The following DYM variants were observed in gnomAD, a reference collection of about 807,000 sequenced individuals.
DYM encodes the protein dyggve-Melchior-Clausen syndrome protein.
In DYM, 78 loss-of-function variants were observed where a neutral mutation model predicts 93.1. The observed-to-expected ratio is 0.84, with a 90% CI of 0.70 to 1.01. The LOEUF (loss-of-function observed/expected upper bound fraction) is 1.01. Among genes scored for constraint, DYM ranks in the 50% least tolerant of loss-of-function variants. The pLI is 0.00. For synonymous variants in DYM, 321 were observed against 319.7 expected (o/e 1.00, Z -0.04); for missense variants, 789 against 845.0 (o/e 0.93, Z 0.82).
Position 49,287,027 on chromosome 18 carries a change from C to T in DYM, c.764-411G>A, listed in dbSNP as rs541282736. Among the ~76,000 whole-genome samples the T allele has an allele frequency of 2.6e-5, 4 of 152,154 alleles. No individual in the cohort carries two copies. In the East Asian group the frequency reaches 5.8e-4, roughly 22 times the overall value. ...CCAACATGGTGAAACCCCATCTCTACTAAAAATATAAAAAATAGCCAGGTG... is the reference window on the plus strand; with the variant it reads ...CCAACATGGTGAAACCCCATCTCTATTAAAAATATAAAAAATAGCCAGGTG... On this transcript the variant is annotated intron_variant, in intron 8 of 17. Coordinates refer to ENST00000675505, the MANE Select transcript of DYM (RefSeq NM_001353214.3).
intron 16 of DYM, chr18:49,114,632 A>C (rs1300638469): frequency 1.1e-6 from 1 of 947,832 alleles, no homozygotes; most frequent in Admixed American, 6.2e-5. Flanking sequence ...AAAAAAAATT[A>C]ATATGGTCTT....
At chr18:49,264,101 G>GT (rs66500150) in intron 11 of DYM, among the ~76,000 whole-genome samples, 4,075 of 135,516 alleles carry the variant, frequency 0.03, 75 homozygotes, top group African/African-American at 0.057. Flanking sequence ...GATGGGCGTT[G>GT]TTTTTTTTTT....
intron 6 of DYM, among the ~76,000 whole-genome samples, chr18:49,340,953 C>T (rs78429725): frequency 0.08 from 12,201 of 152,170 alleles, 774 homozygotes; most frequent in East Asian, 0.31. Flanking sequence ...ATCAAGGACA[C>T]AGGAAATGGA....
intron 16 of DYM, among the ~76,000 whole-genome samples, chr18:49,103,648 G>C (rs559292201): frequency 6.6e-6 from 1 of 152,238 alleles, no homozygotes; most frequent in South Asian, 2.1e-4. Flanking sequence ...CAGTTTCCCA[G>C]CACCATTTAT....
At chr18:49,067,251 T>TGGGCAC in intron 17 of DYM, among the ~76,000 whole-genome samples, 1 of 53,488 alleles carries the variant, frequency 1.9e-5, no homozygotes, top group Admixed American at 2.8e-4. Flanking sequence ...GGGTGACATG[T>TGGGCAC]TATGGAGGTT....
chr18:49,417,903 A>C (rs2073170691), intron 2 of DYM: 1 of 152,108 alleles, frequency 6.6e-6, no homozygotes, highest in Non-Finnish European at 1.5e-5. Flanking sequence ...TCTACCAAAA[A>C]TACAAAATTA....
intron 5 of DYM, among the ~76,000 whole-genome samples, chr18:49,375,250 T>G (rs1455034203): frequency 6.8e-6 from 1 of 147,674 alleles, no homozygotes; most frequent in Non-Finnish European, 1.5e-5. Flanking sequence ...ACCTTGGGCT[T>G]TAGAAGAAAA....
chr18:49,120,375 T>C (rs2082278599), intron 15 of DYM, among the ~76,000 whole-genome samples: 1 of 151,982 alleles, frequency 6.6e-6, no homozygotes, highest in African/African-American at 2.4e-5. Flanking sequence ...AGTAAAAGGA[T>C]GGAAAAAGAT....
At chr18:49,399,463 G>C (rs1311629053) in intron 2 of DYM, among the ~76,000 whole-genome samples, 1 of 151,864 alleles carries the variant, frequency 6.6e-6, no homozygotes, top group East Asian at 1.9e-4. Context: ...TTTTGTTTTG[G>C]GTATAAACAA....
intron 14 of DYM, among the ~76,000 whole-genome samples, chr18:49,200,170 A>T (rs1432454578): frequency 6.6e-6 from 1 of 152,090 alleles, no homozygotes; most frequent in East Asian, 1.9e-4. Context: ...AAATCCAAAG[A>T]CATACATGTA....
At chr18:49,092,069 T>C (rs2079095933) in intron 17 of DYM, among the ~76,000 whole-genome samples, 1 of 152,224 alleles carries the variant, frequency 6.6e-6, no homozygotes, top group African/African-American at 2.4e-5. Context: ...TTTATCAAAC[T>C]TTCATTTCAG....
At chr18:49,285,074 T>C (rs1397818474) in intron 9 of DYM, among the ~76,000 whole-genome samples, 2 of 152,186 alleles carry the variant, frequency 1.3e-5, no homozygotes, top group African/African-American at 4.8e-5. Flanking sequence ...AAGCAGAGAC[T>C]GAGCCCTCAC....
At chr18:49,151,276 A>C (rs1403572512) in intron 15 of DYM, among the ~76,000 whole-genome samples, 1 of 152,216 alleles carries the variant, frequency 6.6e-6, no homozygotes, top group Non-Finnish European at 1.5e-5. Context: ...ACTCCTGTTA[A>C]GGATTCTTCT....
intron 2 of DYM, 149 bp from the exon 3 acceptor site, chr18:49,391,794 AAG>A (rs2069288795): frequency 3.0e-4 from 177 of 583,844 alleles, no homozygotes; most frequent in East Asian, 1.5e-3. Context: ...GCAAAAAAAA[AAG>A]TTAGGCTTCA....
At chr18:49,329,728 T>C (rs1440621610) in intron 8 of DYM, 1 of 152,244 alleles carries the variant, frequency 6.6e-6, no homozygotes, top group Non-Finnish European at 1.5e-5. Context: ...GGAAATAATG[T>C]AAGCAACACA....
chr18:49,085,049 T>A (rs1006990315), intron 17 of DYM, among the ~76,000 whole-genome samples: 1 of 152,228 alleles, frequency 6.6e-6, no homozygotes, highest in Non-Finnish European at 1.5e-5. Flanking sequence ...TTTATTTGTA[T>A]ATATGATCTC....
chr18:49,251,627 C>T (rs2144977647), intron 13 of DYM, among the ~76,000 whole-genome samples: 1 of 152,246 alleles, frequency 6.6e-6, no homozygotes, highest in Admixed American at 6.5e-5. Context: ...ATGTGCGAGG[C>T]CGTTACAAAT....
In DYM at chr18:49,323,157, G is replaced by A. The variant is rs575147920; in HGVS notation, c.763+8707C>T. 6.6e-5 allele frequency among the ~76,000 whole-genome samples: 10 copies of A among 152,230 alleles called. No homozygotes were observed. The East Asian group carries it at 7.7e-4, about 12-fold the overall frequency. ...TCTGAGGGGCTCCTTACACATTTTG[G>A]CCTGTTTTGTTTTGTTTTTTGTTTT... On this transcript the variant is annotated intron_variant, in intron 8 of 17. Transcript: ENST00000675505.
At chr18:49,350,124 A>C (rs2064979912) in intron 6 of DYM, among the ~76,000 whole-genome samples, 2 of 152,212 alleles carry the variant, frequency 1.3e-5, no homozygotes, top group Non-Finnish European at 2.9e-5. Flanking sequence ...ATCAAAACTT[A>C]AAATGTGCAC....
Sources: gnomAD v4.1 joint callset for allele counts (sites outside exome capture counted in the v4.1 genomes callset) on GRCh38, gnomAD v4.1.1 for gene constraint, MANE v1.5 for transcripts, NCBI Gene and HGNC (gene_info 2026-07-23, HGNC 2026-07-21) for gene names.